IMMP2L: variants seen among roughly 807,000 people sequenced by gnomAD.
IMMP2L encodes mitochondrial inner membrane protease subunit 2.
Under a neutral mutation model 19.3 loss-of-function variants are expected in IMMP2L, and 18 were observed. The ratio of observed to expected loss-of-function variants is 0.93; its 90% CI spans 0.64 to 1.38. The LOEUF (loss-of-function observed/expected upper bound fraction) is 1.38. Among genes scored for constraint, IMMP2L ranks in the 40% most tolerant of loss-of-function variants. The pLI is 0.00. For synonymous variants in IMMP2L, 76 were observed against 73.0 expected, an observed-to-expected ratio of 1.04 and a Z score of -0.21; for missense variants, 233 against 218.2, an observed-to-expected ratio of 1.07 and a Z score of -0.43.
chr7:111,280,978 G>A (rs905209042), intron 3 of IMMP2L, among the ~76,000 whole-genome samples: 6 of 151,940 alleles, frequency 3.9e-5, no homozygotes, highest in African/African-American at 1.4e-4. Flanking sequence ...GCTGAGGTAG[G>A]AGAATGGCGT....
chr7:111,022,603 C>A (rs925853016), intron 3 of IMMP2L, among the ~76,000 whole-genome samples: 2 of 152,110 alleles, frequency 1.3e-5, no homozygotes, highest in African/African-American at 4.8e-5. Flanking sequence ...ATGTGTAATA[C>A]CCCTTTGCAA....
At chr7:111,102,881 A>T (rs550493126) in intron 3 of IMMP2L, among the ~76,000 whole-genome samples, 1 of 151,614 alleles carries the variant, frequency 6.6e-6, no homozygotes, top group Non-Finnish European at 1.5e-5. Flanking sequence ...ATCTCATTGT[A>T]AACTTATTTT....
intron 3 of IMMP2L, among the ~76,000 whole-genome samples, chr7:111,210,878 T>C (rs1459232121): frequency 6.6e-6 from 1 of 152,118 alleles, no homozygotes; most frequent in Non-Finnish European, 1.5e-5. Context: ...GAAATTCTTG[T>C]GTTGTGTCCC....
intron 4 of IMMP2L, among the ~76,000 whole-genome samples, chr7:110,947,229 A>T (rs1465413764): frequency 6.6e-6 from 1 of 152,170 alleles, no homozygotes; most frequent in Admixed American, 6.5e-5. Context: ...ATTTTCGTAC[A>T]TCGCTGGGGA....
chr7:111,140,966 A>G (rs2129598234), intron 3 of IMMP2L, among the ~76,000 whole-genome samples: 1 of 152,326 alleles, frequency 6.6e-6, no homozygotes, highest in East Asian at 1.9e-4. Context: ...TCTATGAGAC[A>G]TAGTACAGAA....
chr7:111,054,967 TG>T, intron 3 of IMMP2L, among the ~76,000 whole-genome samples: 1 of 152,032 alleles, frequency 6.6e-6, no homozygotes. Context: ...ATAGTTGGGC[TG>T]GCTCAAAAGT....
At chr7:110,715,345 T>C (rs958838154) in intron 5 of IMMP2L, among the ~76,000 whole-genome samples, 1 of 152,188 alleles carries the variant, frequency 6.6e-6, no homozygotes, top group African/African-American at 2.4e-5. Flanking sequence ...CTAGTTCCTG[T>C]AGGTGTGATG....
chr7:110,730,653 C>T (rs1776619213), intron 5 of IMMP2L, among the ~76,000 whole-genome samples: 2 of 151,972 alleles, frequency 1.3e-5, no homozygotes, highest in African/African-American at 4.8e-5. Flanking sequence ...GCCTCCCCAG[C>T]AGCTGGGATT....
intron 3 of IMMP2L, among the ~76,000 whole-genome samples, chr7:111,255,537 A>G (rs1816606386): frequency 6.6e-6 from 1 of 152,072 alleles, no homozygotes; most frequent in Non-Finnish European, 1.5e-5. Flanking sequence ...AATGAATTAG[A>G]CTATAATTAT....
intron 5 of IMMP2L, among the ~76,000 whole-genome samples, chr7:110,871,328 A>G (rs1449318493): frequency 3.3e-5 from 5 of 152,076 alleles, no homozygotes; most frequent in Non-Finnish European, 7.4e-5. Context: ...CACAGGATCA[A>G]TTTTCTTAGG....
At chr7:111,238,206 T>C (rs1419993712) in intron 3 of IMMP2L, among the ~76,000 whole-genome samples, 1 of 151,848 alleles carries the variant, frequency 6.6e-6, no homozygotes, top group Non-Finnish European at 1.5e-5. Flanking sequence ...CAGAAAACAA[T>C]CCTGTACCAT....
At chr7:110,815,262 T>C (rs1286134199) in intron 5 of IMMP2L, among the ~76,000 whole-genome samples, 1 of 152,172 alleles carries the variant, frequency 6.6e-6, no homozygotes, top group Non-Finnish European at 1.5e-5. Context: ...ATATGCTGGA[T>C]TACATTTATT....
intron 3 of IMMP2L, among the ~76,000 whole-genome samples, chr7:111,037,953 T>G (rs2129570298): frequency 6.6e-6 from 1 of 152,256 alleles, no homozygotes; most frequent in Admixed American, 6.5e-5. Flanking sequence ...ATCTTAAAGT[T>G]CTCATCCTAT....
intron 3 of IMMP2L, chr7:111,391,831 A>C (rs1325144125): frequency 2.8e-6 from 2 of 701,996 alleles, no homozygotes. Flanking sequence ...TGACAACACG[A>C]CCATACCTCT....
chr7:110,767,034 C>T (rs1798710983), intron 5 of IMMP2L, among the ~76,000 whole-genome samples: 1 of 152,144 alleles, frequency 6.6e-6, no homozygotes, highest in Non-Finnish European at 1.5e-5. Context: ...TTAATGATTA[C>T]GTGGAAGCAT....
At chr7:111,196,422 T>C (rs1809509907) in intron 3 of IMMP2L, among the ~76,000 whole-genome samples, 1 of 152,164 alleles carries the variant, frequency 6.6e-6, no homozygotes, top group Admixed American at 6.5e-5. Context: ...CTAGGAGTGT[T>C]AAACTAGAAC....
chr7:111,011,703 G>C (rs1824976660), intron 3 of IMMP2L, among the ~76,000 whole-genome samples: 1 of 152,274 alleles, frequency 6.6e-6, no homozygotes, highest in African/African-American at 2.4e-5. Flanking sequence ...ACTGACAAGA[G>C]TGTCAGTGAG....
intron 3 of IMMP2L, among the ~76,000 whole-genome samples, chr7:111,298,165 G>A (rs1057459733): frequency 1.3e-5 from 2 of 152,090 alleles, no homozygotes; most frequent in Non-Finnish European, 2.9e-5. Context: ...AAGGAGGAAA[G>A]AACCAAGCAG....
intron 3 of IMMP2L, among the ~76,000 whole-genome samples, chr7:111,048,900 C>G (rs866338754): frequency 4.6e-5 from 7 of 152,022 alleles, no homozygotes; most frequent in Non-Finnish European, 1.0e-4. Context: ...AGAAGAGATT[C>G]TGACATATCC....
Sources: gnomAD v4.1 joint callset for allele counts (sites outside exome capture counted in the v4.1 genomes callset) on GRCh38, gnomAD v4.1.1 for gene constraint, MANE v1.5 for transcripts, NCBI Gene and HGNC (gene_info 2026-07-23, HGNC 2026-07-21) for gene names.